Variants in PRKG1 observed in about 807,000 individuals in gnomAD.
PRKG1 encodes protein kinase cGMP-dependent 1, also known as cGMP-dependent protein kinase 1.
PRKG1 carries 35 observed loss-of-function variants against 88.1 expected under a neutral mutation model. The ratio of observed to expected loss-of-function variants is 0.40; its 90% CI spans 0.30 to 0.53. PRKG1 has a LOEUF of 0.53. Ranked by LOEUF, PRKG1 falls within the 20% of genes least tolerant of loss-of-function variation. The pLI, the probability that PRKG1 is intolerant of heterozygous loss-of-function variation, is 0.59. For missense variants in PRKG1, 540 were observed against 839.8 expected, an observed-to-expected ratio of 0.64 and a Z score of 4.41; for synonymous variants, 303 against 292.5, an observed-to-expected ratio of 1.04 and a Z score of -0.37.
intron 3 of PRKG1, among the ~76,000 whole-genome samples, chr10:51,623,803 CT>C (rs1466859398): frequency 1.3e-5 from 2 of 152,122 alleles, no homozygotes. Context: ...CGTCTGTGGA[CT>C]TGACCCTTAT....
intron 3 of PRKG1, among the ~76,000 whole-genome samples, chr10:51,738,413 T>C (rs1564627780): frequency 6.6e-6 from 1 of 152,204 alleles, no homozygotes; most frequent in Admixed American, 6.5e-5. Context: ...TGGTGCAAGT[T>C]ATGTAATTGT....
At chr10:51,508,026 T>G (rs1287959249) in intron 3 of PRKG1, among the ~76,000 whole-genome samples, 1 of 152,184 alleles carries the variant, frequency 6.6e-6, no homozygotes, top group Non-Finnish European at 1.5e-5. Flanking sequence ...ATTAAGTGTA[T>G]GGGCTGTGGA....
chr10:52,026,430 T>C (rs1373984328), intron 5 of PRKG1, among the ~76,000 whole-genome samples: 2 of 152,212 alleles, frequency 1.3e-5, no homozygotes, highest in Non-Finnish European at 2.9e-5. Flanking sequence ...AGAAACATTA[T>C]GCCAAGTGAA....
intron 3 of PRKG1, among the ~76,000 whole-genome samples, chr10:51,746,566 A>T (rs1837584436): frequency 6.6e-6 from 1 of 152,038 alleles, no homozygotes; most frequent in South Asian, 2.1e-4. Context: ...TACTAAAAAT[A>T]CAAAAAATTA....
At chr10:52,193,464 C>T (rs1038450062) in intron 9 of PRKG1, among the ~76,000 whole-genome samples, 4 of 145,338 alleles carry the variant, frequency 2.8e-5, no homozygotes, top group African/African-American at 5.1e-5. Context: ...AGGAGAATCG[C>T]TTGAACCCAG....
chr10:51,817,822 A>T (rs1186240140), intron 4 of PRKG1, among the ~76,000 whole-genome samples: 1 of 152,168 alleles, frequency 6.6e-6, no homozygotes, highest in Non-Finnish European at 1.5e-5. Context: ...TCTAAATGAC[A>T]TTAACTTCAT....
chr10:51,950,089 T>C (rs550705944), intron 5 of PRKG1, among the ~76,000 whole-genome samples: 1 of 152,298 alleles, frequency 6.6e-6, no homozygotes, highest in South Asian at 2.1e-4. Flanking sequence ...AAAGAAAAAG[T>C]TGGACTACAT....
At chr10:51,534,486 G>T (rs1432916292) in intron 3 of PRKG1, among the ~76,000 whole-genome samples, 1 of 151,902 alleles carries the variant, frequency 6.6e-6, no homozygotes, top group East Asian at 1.9e-4. Context: ...GGCTAACATG[G>T]TGAAACCTCG....
At chr10:51,795,445 A>G (rs966771208) in intron 3 of PRKG1, among the ~76,000 whole-genome samples, 5 of 152,130 alleles carry the variant, frequency 3.3e-5, no homozygotes, top group Non-Finnish European at 7.4e-5. Flanking sequence ...CTGTGAGGCA[A>G]TTTGTGCAGT....
intron 5 of PRKG1, among the ~76,000 whole-genome samples, chr10:51,951,057 G>A (rs551367903): frequency 3.3e-5 from 5 of 152,322 alleles, no homozygotes; most frequent in Non-Finnish European, 5.9e-5. Context: ...TGGATAAAAG[G>A]CATTATTCAG....
chr10:51,493,518 T>A (rs1840765226), intron 3 of PRKG1, among the ~76,000 whole-genome samples: 1 of 152,212 alleles, frequency 6.6e-6, no homozygotes, highest in Admixed American at 6.5e-5. Flanking sequence ...TTTTTTTAGA[T>A]GTTGACTAAA....
At chr10:51,356,702 T>C (rs1842373045) in intron 2 of PRKG1, among the ~76,000 whole-genome samples, 1 of 152,024 alleles carries the variant, frequency 6.6e-6, no homozygotes, top group African/African-American at 2.4e-5. Context: ...CTCCTGTATC[T>C]TGAACATGTG....
chr10:51,698,661 G>C (rs146979368), intron 3 of PRKG1: 1 of 1,614,140 alleles, frequency 6.2e-7, no homozygotes. Flanking sequence ...AAAGGCACTG[G>C]GCCAACCCCT....
In PRKG1 at chr10:51,475,654, G is replaced by A. The variant is rs912411155; in HGVS notation, c.592+7818G>A. Among the ~76,000 whole-genome samples the A allele has an allele frequency of 4.6e-5, 7 of 151,956 alleles. No individual in the cohort carries two copies. In the East Asian group the frequency reaches 1.4e-3, roughly 29 times the overall value. ...TTTTTCTTTTAAGGAGTAAAACACAGCCTTAGTAAAGAGTACCAGCTTTCT... is the reference window on the plus strand; with the variant it reads ...TTTTTCTTTTAAGGAGTAAAACACAACCTTAGTAAAGAGTACCAGCTTTCT... On this transcript the variant is annotated intron_variant, in intron 3 of 17. Coordinates refer to ENST00000373980, the MANE Select transcript of PRKG1 (RefSeq NM_006258.4).
At position 51,973,536 on chromosome 10, in the gene PRKG1, T is replaced by C. The variant is rs16925362; in HGVS notation, c.762+65966T>C. ...TATTCATCCTGTGATCATTCTGCTT[T>C]GGTCCTACTTACATCTTTCACTTGG... On this transcript the variant is annotated intron_variant, in intron 5 of 17. Coordinates refer to ENST00000373980, the MANE Select transcript of PRKG1 (RefSeq NM_006258.4). Among the ~76,000 whole-genome samples the C allele has an allele frequency of 6.1e-3, 926 of 152,280 alleles. 78 individuals are homozygous for C. The East Asian group carries it at 0.16, about 26-fold the overall frequency.
At chr10:51,275,485 T>G (rs1840090944) in intron 2 of PRKG1, among the ~76,000 whole-genome samples, 1 of 152,094 alleles carries the variant, frequency 6.6e-6, no homozygotes, top group African/African-American at 2.4e-5. Context: ...GCGTGGTGAG[T>G]TGGGTGCAAA....
chr10:51,957,790 T>A (rs1843349878), intron 5 of PRKG1, among the ~76,000 whole-genome samples: 1 of 152,206 alleles, frequency 6.6e-6, no homozygotes. Context: ...TTTCATCCAA[T>A]GAAATCACAG....
intron 2 of PRKG1, among the ~76,000 whole-genome samples, chr10:51,330,027 G>GT (rs1019356038): frequency 5.5e-5 from 8 of 145,534 alleles, no homozygotes; most frequent in Admixed American, 4.8e-4. Context: ...TTCTGCAACT[G>GT]TTTTTTTAAA....
In PRKG1 at chr10:51,779,827, T is replaced by A. The variant is rs12253825; in HGVS notation, c.593-24758T>A. 4.4e-3 allele frequency among the ~76,000 whole-genome samples: 671 copies of A among 152,268 alleles called. 7 individuals carry two copies. Among genetic ancestry groups the A allele is most frequent in the African/African-American group, 0.015 (628 of 41,550 alleles). On this transcript the variant is annotated intron_variant, in intron 3 of 17. Transcript: ENST00000373980. The stretch of plus-strand genomic sequence containing the variant: ...TTTTTTAAATTGGGGTTTACTGTGG[T>A]TTGCCTACCATAGTCATTTCCTGGT...
Sources: allele counts gnomAD v4.1 joint callset (sites outside exome capture counted in the v4.1 genomes callset), GRCh38; gene constraint gnomAD v4.1.1; transcripts MANE v1.5; gene names NCBI Gene and HGNC (gene_info 2026-07-23, HGNC 2026-07-21).